The following IFT172 variants were observed in gnomAD, a reference collection of about 807,000 sequenced individuals.
IFT172 encodes the protein intraflagellar transport 172.
In IFT172, 164 loss-of-function variants were observed where a neutral mutation model predicts 248.9. The ratio of observed to expected loss-of-function variants is 0.66; its 90% CI spans 0.58 to 0.75. IFT172 has a LOEUF of 0.75. Ranked by LOEUF, IFT172 falls within the 30% of genes least tolerant of loss-of-function variation. IFT172 has a pLI of 0.00. For synonymous variants in IFT172, 729 were observed against 791.6 expected (o/e 0.92, Z 1.33); for missense variants, 1,950 against 2,192.4 (o/e 0.89, Z 2.21).
In IFT172 at chr2:27,456,002, A is replaced by G. The variant is rs193008866; in HGVS notation, c.3371+509T>C. On this transcript the variant is annotated intron_variant, in intron 30 of 47. Transcript: ENST00000260570. Reference sequence around the variant, plus strand: ...GCCAAGGTGGGCAGATCACGAGGTCAAGAGATCAAGACCATCCTGGCCAAC... The same window carrying G: ...GCCAAGGTGGGCAGATCACGAGGTCGAGAGATCAAGACCATCCTGGCCAAC... The G allele has an allele frequency of 1.8e-3, 424 of 237,630 alleles. 1 individual carries two copies. Among genetic ancestry groups the G allele is most frequent in the African/African-American group, 9.5e-3 (406 of 42,762 alleles). The allele number at this position is 237,630 out of a possible 1,614,324, so 14.7% of individuals were successfully genotyped here.
In IFT172 at chr2:27,487,707, C is replaced by CT. The variant is rs1668866233; in HGVS notation, c.39+1907dup. On this transcript the variant is annotated intron_variant, in intron 1 of 47. Transcript: ENST00000260570. ...TCCTGAGTTCAAGCGATTCTCCTGC[C>CT]TCAGCCTCCCGAGTAGCTGGGATTA... Among the ~76,000 whole-genome samples, 4 of 152,082 alleles carry CT rather than the reference C, an allele frequency of 2.6e-5. No individual in the cohort carries two copies. The South Asian group carries it at 8.3e-4, about 32-fold the overall frequency.
intron 14 of IFT172, among the ~76,000 whole-genome samples, chr2:27,473,204 T>A (rs971225134): frequency 1.3e-5 from 2 of 150,768 alleles, no homozygotes; most frequent in African/African-American, 2.4e-5. Flanking sequence ...CTGTCTCTAC[T>A]AAAAATACAA....
intron 33 of IFT172, 31 bp downstream of exon 33, chr2:27,453,951 T>A: frequency 6.3e-7 from 1 of 1,584,576 alleles, no homozygotes; most frequent in Non-Finnish European, 8.6e-7. Context: ...ACTCTCCCCC[T>A]CCCCTCATGG....
Position 27,484,899 on chromosome 2 carries a change from T to G in IFT172, c.296+119A>C, listed in dbSNP as rs963272711. Reference sequence around the variant, plus strand: ...AAGCAAAAACAGACTCCAGAAAGTCTCTGCCTTCAATGGCCAAGCTTGGCT... The same window carrying G: ...AAGCAAAAACAGACTCCAGAAAGTCGCTGCCTTCAATGGCCAAGCTTGGCT... On this transcript the variant is annotated intron_variant, in intron 3 of 47. Transcript: ENST00000260570. 3 of 691,356 alleles carry G rather than the reference T, an allele frequency of 4.3e-6. No homozygotes were observed. The African/African-American group carries it at 5.4e-5, about 12-fold the overall frequency. The allele number at this position is 691,356 out of a possible 1,614,324, so 42.8% of individuals were successfully genotyped here.
At chr2:27,449,904 G>T in intron 36 of IFT172, 94 bp downstream of exon 36, 1 of 1,391,332 alleles carries the variant, frequency 7.2e-7, no homozygotes, top group Non-Finnish European at 1.0e-6. Flanking sequence ...TGCCCACCAG[G>T]AGGCCCACCT....
rs1269798456 is a variant in IFT172, at chr2:27,458,113, G to T, written c.2975+13C>A. On this transcript the variant is annotated intron_variant, in intron 27 of 47. Transcript: ENST00000260570. ...TCATCTCCCTCTACACCTCCTCTGG[G>T]GCCACGGCTCACCTTTCAGCCTCAC... 6.2e-7 allele frequency: 1 copy of T among 1,613,352 alleles called. No individual in the cohort carries two copies. The highest frequency in any genetic ancestry group is 1.3e-5 in the African/African-American group (1 of 74,860).
At chr2:27,457,466 G>C (rs1666250908) in intron 29 of IFT172, among the ~76,000 whole-genome samples, 173 bp downstream of exon 29, 1 of 152,130 alleles carries the variant, frequency 6.6e-6, no homozygotes, top group Non-Finnish European at 1.5e-5. Context: ...AGCTACTCAG[G>C]AGGTTGAGGT....
chr2:27,477,219 G>A lies in IFT172; in HGVS notation c.1323C>T (p.Ile441=). 6.2e-7 allele frequency: 1 copy of A among 1,612,608 alleles called. No individual in the cohort carries two copies. The highest frequency in any genetic ancestry group is 8.5e-7 in the Non-Finnish European group (1 of 1,178,636). ...VRTEFMNPHL[I]SVRINERCQR... Reference sequence around the variant, plus strand: ...TTCAGAGAATCTTGTGAGGTTACCTGATGAGGTGGGGGTTCATGAATTCAG... The same window carrying A: ...TTCAGAGAATCTTGTGAGGTTACCTAATGAGGTGGGGGTTCATGAATTCAG... The change falls in exon 13 of 48, where the codon ATC becomes ATT. Residue 441 remains isoleucine, a splice_region_variant and synonymous_variant. Transcript: ENST00000260570.
Position 27,485,417 on chromosome 2 carries a change from C to G in IFT172, c.126G>C (p.Leu42=). 6.2e-7 allele frequency: 1 copy of G among 1,614,198 alleles called. No individual in the cohort carries two copies. The highest frequency in any genetic ancestry group is 1.7e-4 in the Middle Eastern group (1 of 6,052). Residue 42 remains leucine (L), a synonymous_variant, in exon 2 of 48, where the codon CTG becomes CTC. Transcript: ENST00000260570. The part of the protein sequence containing the change: ...AVCTVDRVVL[L]YDEHGERRDK... ...CTCTCCGTTCTCCATGTTCATCATACAGCAAGACCACTCGGTCCACTGTGC... is the reference window on the plus strand; with the variant it reads ...CTCTCCGTTCTCCATGTTCATCATAGAGCAAGACCACTCGGTCCACTGTGC...
At chr2:27,475,847 G>A (rs1667919217) in intron 14 of IFT172, among the ~76,000 whole-genome samples, 1 of 151,118 alleles carries the variant, frequency 6.6e-6, no homozygotes, top group Non-Finnish European at 1.5e-5. Flanking sequence ...GCCTAGGCTG[G>A]TCTCAAACTC....
At chr2:27,462,866 G>A (rs1666790587) in intron 19 of IFT172, 73 bp from the exon 20 acceptor site, 2 of 1,438,150 alleles carry the variant, frequency 1.4e-6, no homozygotes, top group African/African-American at 2.8e-5. Context: ...GAAATTGGAA[G>A]GCCAGAAGGA....
At chr2:27,460,730 C>A (rs1361204110) in intron 23 of IFT172, among the ~76,000 whole-genome samples, 1 of 118,338 alleles carries the variant, frequency 8.5e-6, no homozygotes, top group Admixed American at 9.4e-5. Context: ...GTCTTGTGAC[C>A]CTGACACATC....
chr2:27,468,631 C>T (rs1169117159), intron 16 of IFT172, among the ~76,000 whole-genome samples: 2 of 151,888 alleles, frequency 1.3e-5, no homozygotes, highest in Admixed American at 6.6e-5. Context: ...GGGCAGATCA[C>T]GAGGTCAGGA....
Position 27,447,881 on chromosome 2 carries a change from G to T in IFT172, c.4470C>A (p.Ser1490Arg), listed in dbSNP as rs943300296. The T allele has an allele frequency of 6.2e-7, 1 of 1,613,422 alleles. No individual in the cohort carries two copies. The highest frequency in any genetic ancestry group is 1.7e-5 in the Admixed American group (1 of 60,014). ...CCTCGGCACAGTTGGTTCCAGGAGA[G>T]CTCACCATGTCAGTGAAGATCCTTT... ...IYKRIFTDMVSSPGTNCAEAY... is the reference protein window; with the variant it reads ...IYKRIFTDMVRSPGTNCAEAY... The change falls in exon 41 of 48, where the codon AGC (serine) becomes AGA (arginine). Residue 1490 changes from serine to arginine, a missense_variant. Physicochemically the swap from Ser to Arg is moderately radical, Grantham distance 110. This residue lies in a region of IFT172 where 620 missense variants were observed against 699.0 expected (regional missense o/e 0.89). Transcript: ENST00000260570.
intron 27 of IFT172, 40 bp downstream of exon 27, chr2:27,458,086 T>A (rs1200986171): frequency 6.2e-7 from 1 of 1,611,844 alleles, no homozygotes; most frequent in Admixed American, 1.7e-5. Flanking sequence ...AGCCTTGAAA[T>A]CTCATCTCCC....
intron 35 of IFT172, among the ~76,000 whole-genome samples, chr2:27,450,573 A>C (rs1665565435): frequency 6.6e-6 from 1 of 152,154 alleles, no homozygotes; most frequent in African/African-American, 2.4e-5. Context: ...GTGTGTGAGT[A>C]CATGTTGAAA....
chr2:27,458,741 G>A (rs1666387016), intron 26 of IFT172, 38 bp downstream of exon 26: 4 of 1,608,064 alleles, frequency 2.5e-6, no homozygotes, highest in African/African-American at 1.3e-5. Flanking sequence ...ATGCCACTAA[G>A]GCAGAGTTCT....
Position 27,489,638 on chromosome 2 carries a change from G to C in IFT172, c.16C>G (p.Leu6Val), listed in dbSNP as rs1245102913. The C allele has an allele frequency of 6.2e-7, 1 of 1,612,894 alleles. No homozygotes were observed. ...ACCTGAGGGCTCAGCAGGGTCCTCAGGTGCTTCAAGTGCATGACGCACACC... is the reference window on the plus strand; with the variant it reads ...ACCTGAGGGCTCAGCAGGGTCCTCACGTGCTTCAAGTGCATGACGCACACC... MHLKH[L>V]RTLLSPQDGA... Residue 6 changes from leucine (L) to valine (V), a missense_variant, in exon 1 of 48, where the codon CTG becomes GTG. Coordinates refer to ENST00000260570, the MANE Select transcript of IFT172 (RefSeq NM_015662.3).
rs1665244553 is a variant in IFT172, at chr2:27,447,462, A to G, written c.4659+53T>C. 3.8e-6 allele frequency: 6 copies of G among 1,596,882 alleles called. No individual in the cohort carries two copies. The African/African-American group carries it at 6.7e-5, about 18-fold the overall frequency. The stretch of plus-strand genomic sequence containing the variant: ...AACGTGAATCAATTCAGCTTTATAC[A>G]TTTGCAGATGAGCCCTTCTGACTGA... On this transcript the variant is annotated intron_variant, in intron 42 of 47. Coordinates refer to ENST00000260570, the MANE Select transcript of IFT172 (RefSeq NM_015662.3).
Sources: gnomAD v4.1 joint callset for allele counts (sites outside exome capture counted in the v4.1 genomes callset) on GRCh38, gnomAD v4.1.1 for gene constraint, gnomAD v4.1.1 regional missense constraint, MANE v1.5 for transcripts, NCBI Gene and HGNC (gene_info 2026-07-23, HGNC 2026-07-21) for gene names.